Variants in ALK observed in about 807,000 individuals in gnomAD.
ALK encodes ALK tyrosine kinase receptor.
Under a neutral mutation model 163.1 loss-of-function variants are expected in ALK, and 74 were observed. The observed-to-expected ratio is 0.45, with a 90% CI of 0.38 to 0.55. ALK has a LOEUF of 0.55. Ranked by LOEUF, ALK falls within the 20% of genes least tolerant of loss-of-function variation. The pLI is 0.00. For synonymous variants in ALK, 960 were observed against 843.2 expected (o/e 1.14, Z -2.40); for missense variants, 2,063 against 2,105.3 (o/e 0.98, Z 0.39).
chr2:29,832,893 G>A (rs1239248781), intron 1 of ALK, among the ~76,000 whole-genome samples: 5 of 152,184 alleles, frequency 3.3e-5, no homozygotes, highest in African/African-American at 4.8e-5. Flanking sequence ...GGGAAATCAG[G>A]AGAAGCTTGC....
rs200421798 is a variant in ALK, at chr2:29,713,851, T to TA, written c.787+3726_787+3727insT. Among the ~76,000 whole-genome samples, 1,088 of 151,914 alleles carry TA rather than the reference T, an allele frequency of 7.2e-3. 15 individuals are homozygous for TA. Among genetic ancestry groups the TA allele is most frequent in the African/African-American group, 0.026 (1,056 of 41,258 alleles). The stretch of plus-strand genomic sequence containing the variant: ...TTGCAATGTATCATGTTTTTTTTTT[T>TA]TAAATAAATGAAAAGTCCCTTTCTC... On this transcript the variant is annotated intron_variant, in intron 2 of 28. Transcript: ENST00000389048.
chr2:29,857,717 C>T (rs1020174103), intron 1 of ALK, among the ~76,000 whole-genome samples: 6 of 152,148 alleles, frequency 3.9e-5, no homozygotes, highest in East Asian at 1.9e-4. Context: ...AACATACTCT[C>T]GTTAAATGAA....
chr2:29,698,463 C>T (rs1316628777), intron 2 of ALK, among the ~76,000 whole-genome samples: 1 of 152,188 alleles, frequency 6.6e-6, no homozygotes, highest in Non-Finnish European at 1.5e-5. Flanking sequence ...CCCACATTGA[C>T]AATTATCAGT....
Position 29,456,033 on chromosome 2 carries a change from A to AAAC in ALK, c.1155-72177_1155-72175dup, listed in dbSNP as rs1172962123. On this transcript the variant is annotated intron_variant, in intron 4 of 28. Coordinates refer to ENST00000389048, the MANE Select transcript of ALK (RefSeq NM_004304.5). ...ATCCATTAGGATGCCTATTATCAAT[A>AAAC]AACAACAACAACAATGTCCAGAAAA... Among the ~76,000 whole-genome samples the AAAC allele has an allele frequency of 1.8e-4, 28 of 152,278 alleles. No individual in the cohort carries two copies. The East Asian group carries it at 3.7e-3, about 20-fold the overall frequency.
intron 24 of ALK, among the ~76,000 whole-genome samples, chr2:29,213,719 C>T (rs4665445): frequency 2.6e-4 from 39 of 152,306 alleles, no homozygotes; most frequent in Admixed American, 2.5e-3. Context: ...AGCCATCGCT[C>T]ATGCCTGAAA....
chr2:29,416,680 A>G (rs1669885465), intron 4 of ALK, among the ~76,000 whole-genome samples: 1 of 152,214 alleles, frequency 6.6e-6, no homozygotes, highest in Non-Finnish European at 1.5e-5. Context: ...GGCCCCAGAT[A>G]CTACTCCTTT....
chr2:29,847,716 C>T (rs1176664450), intron 1 of ALK, among the ~76,000 whole-genome samples: 2 of 150,790 alleles, frequency 1.3e-5, no homozygotes, highest in African/African-American at 4.9e-5. Flanking sequence ...TTCATTCATT[C>T]GTTTATAAAC....
chr2:29,247,131 G>A (rs975582218), intron 12 of ALK, among the ~76,000 whole-genome samples: 5 of 151,940 alleles, frequency 3.3e-5, no homozygotes, highest in African/African-American at 1.2e-4. Flanking sequence ...CGGCCTCCGC[G>A]GCAGCGCCTT....
At position 29,275,512 on chromosome 2, in the gene ALK, G is replaced by A. The variant is rs778784478; in HGVS notation, c.1818-16C>T. The stretch of plus-strand genomic sequence containing the variant: ...CAGCCAGAACCTGTACACATCAAGA[G>A]GAATGTGTGTGAGGAGCAAACTGGG... On this transcript the variant is annotated splice_polypyrimidine_tract_variant and intron_variant, in intron 9 of 28. Coordinates refer to ENST00000389048, the MANE Select transcript of ALK (RefSeq NM_004304.5). The A allele has an allele frequency of 6.2e-7, 1 of 1,612,606 alleles. No individual in the cohort carries two copies. The highest frequency in any genetic ancestry group is 1.1e-5 in the South Asian group (1 of 91,050).
At chr2:29,305,508 AG>A (rs959762798) in intron 8 of ALK, among the ~76,000 whole-genome samples, 1 of 152,232 alleles carries the variant, frequency 6.6e-6, no homozygotes, top group African/African-American at 2.4e-5. Flanking sequence ...TGTGGTTCCT[AG>A]AGCAGACTGC....
chr2:29,353,525 A>G (rs1668168724), intron 5 of ALK, among the ~76,000 whole-genome samples: 1 of 152,226 alleles, frequency 6.6e-6, no homozygotes, highest in African/African-American at 2.4e-5. Context: ...GGCTCCATGC[A>G]CAGCAAACCT....
chr2:29,736,936 G>T (rs781060166), intron 1 of ALK, among the ~76,000 whole-genome samples: 2 of 151,938 alleles, frequency 1.3e-5, no homozygotes, highest in African/African-American at 4.8e-5. Flanking sequence ...ACAGAGAATG[G>T]GCACAAATAC....
chr2:29,233,770 T>C (rs531267701), intron 13 of ALK, 74 bp from the exon 14 acceptor site: 8 of 1,601,050 alleles, frequency 5.0e-6, no homozygotes, highest in Non-Finnish European at 6.8e-6. Flanking sequence ...AGAACTTCTA[T>C]GCTTAAAAAC....
At chr2:29,465,643 G>A (rs1394941189) in intron 4 of ALK, among the ~76,000 whole-genome samples, 1 of 152,004 alleles carries the variant, frequency 6.6e-6, no homozygotes, top group Non-Finnish European at 1.5e-5. Context: ...GCAGTGAGCT[G>A]AGATTGTGCC....
intron 8 of ALK, among the ~76,000 whole-genome samples, chr2:29,309,268 T>C (rs1258000969): frequency 6.6e-6 from 1 of 152,074 alleles, no homozygotes. Flanking sequence ...TTCCCCCATA[T>C]ATGGGTGACA....
At chr2:29,759,519 T>C (rs918783026) in intron 1 of ALK, among the ~76,000 whole-genome samples, 1 of 152,238 alleles carries the variant, frequency 6.6e-6, no homozygotes, top group Non-Finnish European at 1.5e-5. Context: ...AGGGACAGGA[T>C]ACAGTGCAGG....
intron 11 of ALK, among the ~76,000 whole-genome samples, chr2:29,262,249 T>A (rs1336796731): frequency 6.6e-6 from 1 of 152,236 alleles, no homozygotes; most frequent in African/African-American, 2.4e-5. Flanking sequence ...CTTCCCTCTT[T>A]CTACAACACG....
intron 4 of ALK, among the ~76,000 whole-genome samples, chr2:29,504,499 G>A (rs1454871316): frequency 1.3e-5 from 2 of 152,166 alleles, no homozygotes; most frequent in Non-Finnish European, 2.9e-5. Flanking sequence ...TTGACCAGGT[G>A]AGAGATTATG....
At chr2:29,210,622 C>T (rs1249473333) in intron 24 of ALK, among the ~76,000 whole-genome samples, 1 of 152,114 alleles carries the variant, frequency 6.6e-6, no homozygotes, top group Non-Finnish European at 1.5e-5. Flanking sequence ...TTAGTAGAGA[C>T]AGGGTTTCAC....
Sources: allele counts gnomAD v4.1 joint callset (sites outside exome capture counted in the v4.1 genomes callset), GRCh38; gene constraint gnomAD v4.1.1; transcripts MANE v1.5; gene names NCBI Gene and HGNC (gene_info 2026-07-23, HGNC 2026-07-21).